Variants in PROS1 observed in about 807,000 individuals in gnomAD.
PROS1 encodes the protein vitamin K-dependent protein S.
Under a neutral mutation model 75.9 loss-of-function variants are expected in PROS1, and 29 were observed. That is an observed-to-expected ratio of 0.38 (90% CI 0.28 to 0.52). PROS1 has a LOEUF of 0.52. PROS1 is among the 20% of genes least tolerant of loss of function. The pLI is 0.83. For synonymous variants in PROS1, 245 were observed against 280.6 expected (o/e 0.87, Z 1.27); for missense variants, 680 against 810.3 (o/e 0.84, Z 1.95).
At chr3:93,886,178 A>G (rs1559930009) in intron 11 of PROS1, among the ~76,000 whole-genome samples, 158 bp downstream of exon 11, 1 of 152,158 alleles carries the variant, frequency 6.6e-6, no homozygotes. Flanking sequence ...TATAATTTCA[A>G]GGGTTACTAA....
At chr3:93,961,572 T>C (rs1408353389) in intron 1 of PROS1, among the ~76,000 whole-genome samples, 1 of 152,248 alleles carries the variant, frequency 6.6e-6, no homozygotes, top group African/African-American at 2.4e-5. Context: ...TGTGAGATTC[T>C]GAGCAACTTA....
At chr3:93,942,342 C>T (rs1709302507) in intron 1 of PROS1, among the ~76,000 whole-genome samples, 1 of 152,154 alleles carries the variant, frequency 6.6e-6, no homozygotes, top group Admixed American at 6.5e-5. Context: ...GTTATATGGG[C>T]AGAAAGAGGT....
intron 2 of PROS1, 98 bp from the exon 3 acceptor site, chr3:93,924,362 A>G: frequency 1.6e-6 from 1 of 613,734 alleles, no homozygotes; most frequent in Non-Finnish European, 2.4e-6. Context: ...AAAGATGCAA[A>G]TAAGTTACAT....
At chr3:93,911,779 G>A (rs1708762544) in intron 3 of PROS1, among the ~76,000 whole-genome samples, 1 of 152,158 alleles carries the variant, frequency 6.6e-6, no homozygotes, top group South Asian at 2.1e-4. Flanking sequence ...AACTGCCATG[G>A]CAGTTATGGG....
intron 1 of PROS1, among the ~76,000 whole-genome samples, chr3:93,943,786 T>C (rs1380638106): frequency 1.3e-5 from 2 of 152,128 alleles, no homozygotes; most frequent in Non-Finnish European, 2.9e-5. Flanking sequence ...GAAGTGAAAA[T>C]GGCCTGTTCC....
At chr3:93,917,694 C>A (rs1490441580) in intron 3 of PROS1, among the ~76,000 whole-genome samples, 1 of 152,098 alleles carries the variant, frequency 6.6e-6, no homozygotes, top group African/African-American at 2.4e-5. Context: ...GCCGGCCGGC[C>A]CTGCCAGCAG....
At chr3:93,970,919 G>T (rs999299631) in intron 1 of PROS1, among the ~76,000 whole-genome samples, 1 of 152,150 alleles carries the variant, frequency 6.6e-6, no homozygotes, top group Non-Finnish European at 1.5e-5. Flanking sequence ...GATTCCTTGA[G>T]GCCAGGAGTT....
chr3:93,950,061 C>T (rs1243328931), intron 1 of PROS1, among the ~76,000 whole-genome samples: 4 of 152,296 alleles, frequency 2.6e-5, no homozygotes, highest in South Asian at 2.1e-4. Flanking sequence ...GAGGGTCCCA[C>T]GCCCATAGAG....
chr3:93,881,442 A>G (rs1187066891), intron 12 of PROS1, among the ~76,000 whole-genome samples: 1 of 152,226 alleles, frequency 6.6e-6, no homozygotes, highest in East Asian at 1.9e-4. Flanking sequence ...TGTGTACACC[A>G]AAAGCCCAGA....
intron 1 of PROS1, among the ~76,000 whole-genome samples, chr3:93,960,369 A>T (rs948537241): frequency 2.6e-5 from 4 of 151,252 alleles, no homozygotes; most frequent in African/African-American, 4.9e-5. Flanking sequence ...AGTAGAGATG[A>T]GTTTCACTGT....
chr3:93,950,561 C>T (rs1479324441), intron 1 of PROS1, among the ~76,000 whole-genome samples: 1 of 152,172 alleles, frequency 6.6e-6, no homozygotes, highest in African/African-American at 2.4e-5. Flanking sequence ...TGGTGATACC[C>T]AGGAAAATAG....
intron 8 of PROS1, among the ~76,000 whole-genome samples, chr3:93,897,293 AT>A (rs141984001): frequency 3.9e-4 from 59 of 152,076 alleles, no homozygotes; most frequent in African/African-American, 1.4e-3. Context: ...GGTATCAAGT[AT>A]TTTTTTTCTA....
rs1175886327 is a variant in PROS1, at chr3:93,905,797, C to T, written c.588G>A (p.Lys196=). Reference sequence around the variant, plus strand: ...TCCTGCTCTTACCTTTACAATCTTTCTTATTTGAAAGCATAACAAAACCAT... The same window carrying T: ...TCCTGCTCTTACCTTTACAATCTTTTTTATTTGAAAGCATAACAAAACCAT... ...CKNGFVMLSN[K]KDCKDVDECS... The change falls in exon 6 of 15, where the codon AAG becomes AAA. Residue 196 remains lysine (K), a synonymous_variant. Coordinates refer to ENST00000394236, the MANE Select transcript of PROS1 (RefSeq NM_000313.4). 6.2e-7 allele frequency: 1 copy of T among 1,611,870 alleles called. No individual in the cohort carries two copies. Among genetic ancestry groups the T allele is most frequent in the Non-Finnish European group, 8.5e-7 (1 of 1,178,070 alleles).
chr3:93,910,554 C>A (rs1431027138), intron 4 of PROS1, 65 bp downstream of exon 4: 20 of 1,306,466 alleles, frequency 1.5e-5, no homozygotes, highest in Non-Finnish European at 1.9e-5. Context: ...GTTTATATTA[C>A]CATGGGTGTA....
rs747235908 is a variant in PROS1 at position 93,877,161 on chromosome 3, T to C, written c.1675A>G (p.Ile559Val). 2 of 1,607,708 alleles carry C rather than the reference T, an allele frequency of 1.2e-6. No homozygotes were observed. The highest frequency in any genetic ancestry group is 1.7e-5 in the Admixed American group (1 of 59,998). ...DILLSVENTV[I>V]YRIQALSLCS... ...AGACTTAGGGCCTGTATCCGATATA[T>C]TACAGTATTTTCAACAGATAACAGA... Residue 559 changes from isoleucine (I) to valine (V), a missense_variant, in exon 14 of 15, where the codon ATA (isoleucine) becomes GTA (valine). Transcript: ENST00000394236.
intron 1 of PROS1, among the ~76,000 whole-genome samples, chr3:93,951,062 AT>A (rs1386440935): frequency 1.3e-5 from 2 of 152,200 alleles, no homozygotes; most frequent in Non-Finnish European, 2.9e-5. Context: ...GTAAAAATAA[AT>A]GAAGAAAGCC....
intron 4 of PROS1, among the ~76,000 whole-genome samples, chr3:93,908,610 A>T (rs1708711010): frequency 6.6e-6 from 1 of 152,180 alleles, no homozygotes; most frequent in African/African-American, 2.4e-5. Flanking sequence ...GCACAGGAAA[A>T]TTTCCAGAGC....
intron 1 of PROS1, among the ~76,000 whole-genome samples, chr3:93,930,717 A>G (rs896606940): frequency 6.6e-6 from 1 of 152,212 alleles, no homozygotes; most frequent in Non-Finnish European, 1.5e-5. Flanking sequence ...ATGTCCACTT[A>G]AGTTTATAAA....
chr3:93,881,018 T>C (rs1708269177), intron 12 of PROS1, among the ~76,000 whole-genome samples: 1 of 152,158 alleles, frequency 6.6e-6, no homozygotes, highest in Admixed American at 6.5e-5. Context: ...TTTGTAAAAT[T>C]TGTCCTTAAA....
Sources: gnomAD v4.1 joint callset for allele counts (sites outside exome capture counted in the v4.1 genomes callset) on GRCh38, gnomAD v4.1.1 for gene constraint, MANE v1.5 for transcripts, NCBI Gene and HGNC (gene_info 2026-07-23, HGNC 2026-07-21) for gene names.